ZC2HC1A: variants seen among roughly 807,000 people sequenced by gnomAD.
The protein encoded by ZC2HC1A is zinc finger C2HC-type containing 1A, also known as zinc finger C2HC domain-containing protein 1A.
ZC2HC1A carries 28 observed loss-of-function variants against 40.7 expected under a neutral mutation model. That is an observed-to-expected ratio of 0.69 (90% CI 0.51 to 0.94). ZC2HC1A has a LOEUF of 0.94. Ranked by LOEUF, ZC2HC1A falls within the 40% of genes least tolerant of loss-of-function variation. ZC2HC1A has a pLI of 0.00. For synonymous variants in ZC2HC1A, 129 were observed against 129.2 expected, an observed-to-expected ratio of 1.00 and a Z score of 0.01; for missense variants, 389 against 386.3, an observed-to-expected ratio of 1.01 and a Z score of -0.06.
rs6473117 is a variant in ZC2HC1A, at chr8:78,715,514, G to C, written c.812+186G>C. On this transcript the variant is annotated intron_variant, in intron 8 of 8. Coordinates refer to ENST00000263849, the MANE Select transcript of ZC2HC1A (RefSeq NM_016010.3). ...AAGTAAACTGAAAACCTTCTGTAAA[G>C]GATTAACCCTTCTACATGCCACTAA... Among the ~76,000 whole-genome samples, 493 of 152,220 alleles carry C rather than the reference G, an allele frequency of 3.2e-3. 2 individuals are homozygous for C. Among genetic ancestry groups the C allele is most frequent in the African/African-American group, 0.011 (466 of 41,530 alleles).
intron 7 of ZC2HC1A, among the ~76,000 whole-genome samples, chr8:78,706,450 G>T (rs978091687): frequency 4.6e-5 from 7 of 152,132 alleles, no homozygotes; most frequent in African/African-American, 1.7e-4. Flanking sequence ...GGCTCTAGTG[G>T]AGTGGCTTCA....
chr8:78,693,953 C>G (rs1242203718), intron 5 of ZC2HC1A, among the ~76,000 whole-genome samples: 1 of 152,160 alleles, frequency 6.6e-6, no homozygotes, highest in Non-Finnish European at 1.5e-5. Flanking sequence ...CTACATATGG[C>G]TAGCCAGTTT....
intron 5 of ZC2HC1A, among the ~76,000 whole-genome samples, chr8:78,692,909 G>T (rs536181511): frequency 3.0e-4 from 45 of 152,180 alleles, no homozygotes; most frequent in Non-Finnish European, 5.9e-4. Flanking sequence ...AGGCCCTGGG[G>T]TGTGATGTTC....
Position 78,689,034 on chromosome 8 carries a change from CT to C in ZC2HC1A, c.353-175del, listed in dbSNP as rs5892662. Among the ~76,000 whole-genome samples, 1,392 of 146,170 alleles carry C rather than the reference CT, an allele frequency of 9.5e-3. 16 individuals are homozygous for C. Among genetic ancestry groups the C allele is most frequent in the African/African-American group, 0.032 (1,265 of 40,080 alleles). Reference sequence around the variant, plus strand: ...AAATTGGAAGTCATGTACCAGCAGACTTTTTTTTTTTTTAACTCTTTACTAA... The same window carrying C: ...AAATTGGAAGTCATGTACCAGCAGACTTTTTTTTTTTTAACTCTTTACTAA... On this transcript the variant is annotated intron_variant, in intron 4 of 8. Transcript: ENST00000263849.
intron 7 of ZC2HC1A, chr8:78,712,070 GT>G (rs1171658579): frequency 7.8e-7 from 1 of 1,289,552 alleles, no homozygotes; most frequent in Admixed American, 2.3e-5. Context: ...AAATCAGACA[GT>G]GCCATCAAAA....
At chr8:78,685,600 T>C (rs773557035) in intron 3 of ZC2HC1A, among the ~76,000 whole-genome samples, 49 of 152,320 alleles carry the variant, frequency 3.2e-4, no homozygotes, top group South Asian at 1.9e-3. Context: ...AACAAATAAG[T>C]TGAGCAGGAA....
At chr8:78,684,057 A>C (rs899354674) in intron 3 of ZC2HC1A, among the ~76,000 whole-genome samples, 1 of 152,162 alleles carries the variant, frequency 6.6e-6, no homozygotes, top group Non-Finnish European at 1.5e-5. Context: ...AGGAAGTTCC[A>C]AACTTTCCCA....
At chr8:78,667,892 TGGGTCCAGCTTATGATGTTATA>T (rs938343813) in intron 1 of ZC2HC1A, among the ~76,000 whole-genome samples, 2 of 152,080 alleles carry the variant, frequency 1.3e-5, no homozygotes, top group Admixed American at 6.5e-5. Context: ...GCATATTTTA[TGGGTCCAGCTTATGATGTTATA>T]GGGCCCAGCT....
chr8:78,695,095 C>G (rs62518981), intron 5 of ZC2HC1A, among the ~76,000 whole-genome samples: 8,672 of 151,924 alleles, frequency 0.057, 301 homozygotes, highest in Middle Eastern at 0.082. Flanking sequence ...AGCAAGATAC[C>G]GAGGGGGAGG....
At chr8:78,689,482 T>G (rs1810138160) in intron 5 of ZC2HC1A, 109 bp downstream of exon 5, 1 of 1,009,914 alleles carries the variant, frequency 9.9e-7, no homozygotes, top group Non-Finnish European at 1.4e-6. Flanking sequence ...TCACCTGCTT[T>G]TATAGATATA....
At chr8:78,676,838 C>T (rs1809597252) in intron 2 of ZC2HC1A, among the ~76,000 whole-genome samples, 1 of 151,724 alleles carries the variant, frequency 6.6e-6, no homozygotes, top group Admixed American at 6.6e-5. Context: ...CCTTTTTTGG[C>T]TCTCATTTAT....
intron 1 of ZC2HC1A, among the ~76,000 whole-genome samples, chr8:78,669,756 C>T (rs1585972448): frequency 6.6e-6 from 1 of 152,098 alleles, no homozygotes; most frequent in African/African-American, 2.4e-5. Flanking sequence ...CTTTGTTCTA[C>T]CTTCATTGTG....
intron 4 of ZC2HC1A, among the ~76,000 whole-genome samples, chr8:78,688,122 A>T (rs1320445278): frequency 6.6e-6 from 1 of 151,640 alleles, no homozygotes; most frequent in Non-Finnish European, 1.5e-5. Flanking sequence ...TAATTAACTT[A>T]TATGAATGAA....
chr8:78,700,291 G>C (rs893293448), intron 7 of ZC2HC1A, among the ~76,000 whole-genome samples: 1 of 151,868 alleles, frequency 6.6e-6, no homozygotes, highest in South Asian at 2.1e-4. Flanking sequence ...GTTCATGTCT[G>C]TTGTCCACTT....
intron 5 of ZC2HC1A, among the ~76,000 whole-genome samples, chr8:78,695,511 G>A (rs904469540): frequency 5.9e-5 from 9 of 152,286 alleles, no homozygotes; most frequent in South Asian, 2.1e-4. Flanking sequence ...TACAGTTTGA[G>A]TGGGTCAGCA....
At chr8:78,676,631 ATTTCTAG>A (rs1158142329) in intron 2 of ZC2HC1A, among the ~76,000 whole-genome samples, 2 of 151,936 alleles carry the variant, frequency 1.3e-5, no homozygotes, top group Non-Finnish European at 2.9e-5. Context: ...TCCTCTTACT[ATTTCTAG>A]TTTGTTTCTT....
chr8:78,686,308 A>T (rs1809969397), intron 3 of ZC2HC1A, among the ~76,000 whole-genome samples, 159 bp from the exon 4 acceptor site: 1 of 152,188 alleles, frequency 6.6e-6, no homozygotes, highest in Non-Finnish European at 1.5e-5. Context: ...TAGTTGCATA[A>T]AGTTTCTCTT....
intron 1 of ZC2HC1A, among the ~76,000 whole-genome samples, chr8:78,667,156 T>G (rs1005115807): frequency 6.6e-6 from 1 of 152,170 alleles, no homozygotes; most frequent in Non-Finnish European, 1.5e-5. Flanking sequence ...CTACATTGTG[T>G]GATGAAGTGC....
At chr8:78,700,719 T>C (rs1298826945) in intron 7 of ZC2HC1A, among the ~76,000 whole-genome samples, 1 of 152,214 alleles carries the variant, frequency 6.6e-6, no homozygotes, top group Non-Finnish European at 1.5e-5. Context: ...GTCTTCTGCA[T>C]ATTGCTAGCC....
Sources: allele counts gnomAD v4.1 joint callset (sites outside exome capture counted in the v4.1 genomes callset), GRCh38; gene constraint gnomAD v4.1.1; transcripts MANE v1.5; gene names NCBI Gene and HGNC (gene_info 2026-07-23, HGNC 2026-07-21).